The following GPR149 variants were observed in gnomAD, a reference collection of about 807,000 sequenced individuals.
The protein encoded by GPR149 is G protein-coupled receptor 149, also known as probable G protein-coupled receptor 149.
GPR149 carries 50 observed loss-of-function variants against 50.2 expected under a neutral mutation model. That is an observed-to-expected ratio of 1.00 (90% confidence interval 0.79 to 1.26). GPR149 has a LOEUF of 1.26. GPR149 is among the 50% of genes most tolerant of loss of function. GPR149 has a pLI of 0.00. For missense variants in GPR149, 983 were observed against 895.4 expected, an observed-to-expected ratio of 1.10 and a Z score of -1.25; for synonymous variants, 405 against 358.2, an observed-to-expected ratio of 1.13 and a Z score of -1.48.
At position 154,353,058 on chromosome 3, in the gene GPR149, T is replaced by G. The variant is rs189139472; in HGVS notation, c.1624-14787A>C. On this transcript the variant is annotated intron_variant, in intron 3 of 3. Coordinates refer to ENST00000389740, the MANE Select transcript of GPR149 (RefSeq NM_001038705.3). ...GAAGCCTTTTAGTGTAATTTCTCTTTGTGACTGTGCAATATCCCCATGTAA... is the reference window on the plus strand; with the variant it reads ...GAAGCCTTTTAGTGTAATTTCTCTTGGTGACTGTGCAATATCCCCATGTAA... 82 of 1,410,142 alleles carry G rather than the reference T, an allele frequency of 5.8e-5. No individual in the cohort carries two copies. In the East Asian group the frequency reaches 8.2e-4, roughly 14 times the overall value. The allele number at this position is 1,410,142 out of a possible 1,614,324, so 87.4% of individuals were successfully genotyped here.
rs1356505651 is a variant in GPR149 at position 154,429,659 on chromosome 3, A to C, written c.-44T>G. On this transcript the variant is annotated 5_prime_UTR_variant, in exon 1 of 4. It adds an upstream start codon to the 5' untranslated region. Transcript: ENST00000389740. Reference sequence around the variant, plus strand: ...AATTTCCCTTATCAATGAGTCTGATAATTTTCTCAAAAGAAAGACCGGCTG... The same window carrying C: ...AATTTCCCTTATCAATGAGTCTGATCATTTTCTCAAAAGAAAGACCGGCTG... 1.3e-6 allele frequency: 2 copies of C among 1,533,024 alleles called. No individual in the cohort carries two copies. The highest frequency in any genetic ancestry group is 1.8e-6 in the Non-Finnish European group (2 of 1,128,394). 95.0% of individuals were successfully genotyped at this position (1,533,024 alleles called of 1,614,324 possible).
intron 3 of GPR149, chr3:154,354,801 A>C (rs1576902527): frequency 1.5e-6 from 1 of 651,830 alleles, no homozygotes; most frequent in Non-Finnish European, 2.2e-6. Context: ...CCCAGGCATT[A>C]CTGGCCACCA....
intron 3 of GPR149, among the ~76,000 whole-genome samples, chr3:154,388,732 T>G (rs974926965): frequency 6.6e-6 from 1 of 152,154 alleles, no homozygotes; most frequent in African/African-American, 2.4e-5. Flanking sequence ...CCCCAGTCTA[T>G]CTGTATGTGC....
Position 154,429,235 on chromosome 3 carries a change from G to T in GPR149, c.381C>A (p.Val127=). Residue 127 remains valine, a synonymous_variant, in exon 1 of 4, where the codon GTC becomes GTA. Transcript: ENST00000389740. ...TGTGCATCGTATAAAAGTTGTAAGAGACTAGGAGAGTCGCCTTCAAGTTGC... is the reference window on the plus strand; with the variant it reads ...TGTGCATCGTATAAAAGTTGTAAGATACTAGGAGAGTCGCCTTCAAGTTGC... ...LSSNLKATLL[V]SYNFYTMHRG... The T allele has an allele frequency of 6.2e-7, 1 of 1,614,194 alleles. No individual in the cohort carries two copies. The highest frequency in any genetic ancestry group is 8.5e-7 in the Non-Finnish European group (1 of 1,180,048).
intron 3 of GPR149, chr3:154,354,752 AG>A: frequency 2.8e-6 from 2 of 723,152 alleles, no homozygotes; most frequent in Non-Finnish European, 4.1e-6. Flanking sequence ...GACTCCTCCA[AG>A]GGTGTTTTCA....
chr3:154,428,538 T>C, intron 1 of GPR149, 97 bp downstream of exon 1: 2 of 1,336,280 alleles, frequency 1.5e-6, no homozygotes, highest in Non-Finnish European at 1.0e-6. Context: ...TCACTGTGTG[T>C]CTCTTGGTGA....
chr3:154,402,946 T>TAATG (rs55815940), intron 3 of GPR149, among the ~76,000 whole-genome samples: 40,014 of 152,068 alleles, frequency 0.26, 5,500 homozygotes, highest in South Asian at 0.33. Flanking sequence ...TGTAATTTCC[T>TAATG]AATGGAATCT....
chr3:154,353,569 T>C (rs1335483253), intron 3 of GPR149: 2 of 1,031,352 alleles, frequency 1.9e-6, no homozygotes, highest in East Asian at 2.4e-5. Context: ...CCATTTTGCA[T>C]ATGATTAATT....
At chr3:154,406,651 G>A (rs548638512) in intron 3 of GPR149, among the ~76,000 whole-genome samples, 18 of 152,098 alleles carry the variant, frequency 1.2e-4, no homozygotes, top group African/African-American at 4.8e-5. Flanking sequence ...TCATATCTAC[G>A]TGTAAGAAAA....
chr3:154,413,963 TGG>T (rs1711915316), intron 3 of GPR149, among the ~76,000 whole-genome samples: 1 of 148,104 alleles, frequency 6.8e-6, no homozygotes, highest in Admixed American at 6.8e-5. Context: ...TATATATACA[TGG>T]AATACTACTC....
At chr3:154,379,416 T>G (rs2108405635) in intron 3 of GPR149, among the ~76,000 whole-genome samples, 1 of 152,232 alleles carries the variant, frequency 6.6e-6, no homozygotes, top group South Asian at 2.1e-4. Flanking sequence ...ATTTATTTAC[T>G]TTGATGTTAA....
chr3:154,350,777 G>A (rs1372621420), intron 3 of GPR149, among the ~76,000 whole-genome samples: 1 of 152,136 alleles, frequency 6.6e-6, no homozygotes, highest in Non-Finnish European at 1.5e-5. Flanking sequence ...ATCTGTGGGG[G>A]ATTGGTTCCA....
At position 154,335,145 on chromosome 3, in the gene GPR149, A is replaced by G. The variant is rs970037756; in HGVS notation, c.*2554T>C. 3 of 152,120 alleles carry G rather than the reference A, an allele frequency of 2.0e-5. No homozygotes were observed. The highest frequency in any genetic ancestry group is 4.4e-5 in the Non-Finnish European group (3 of 68,020). The allele number at this position is 152,120 out of a possible 1,614,324, so 9.4% of individuals were successfully genotyped here. A position where few individuals can be genotyped will look rare whatever the true frequency, so the allele number is the denominator to read the frequency against. On this transcript the variant is annotated 3_prime_UTR_variant, in exon 4 of 4. Coordinates refer to ENST00000389740, the MANE Select transcript of GPR149 (RefSeq NM_001038705.3). ...GATGGTGATATTTTTATTAGGTAAT[A>G]AGTTTTTGCCTTCAGATACATCAAT...
intron 3 of GPR149, among the ~76,000 whole-genome samples, chr3:154,405,608 TAGAA>T (rs1265684309): frequency 3.1e-5 from 3 of 97,994 alleles, no homozygotes; most frequent in Admixed American, 1.1e-4. Flanking sequence ...AAAAAAAAAG[TAGAA>T]AGCCTAGAAA....
At chr3:154,399,045 T>C (rs1237154931) in intron 3 of GPR149, among the ~76,000 whole-genome samples, 3 of 152,214 alleles carry the variant, frequency 2.0e-5, no homozygotes, top group Admixed American at 6.5e-5. Context: ...GTCTAAGATG[T>C]TCATTGGAAT....
intron 3 of GPR149, among the ~76,000 whole-genome samples, chr3:154,419,720 C>T (rs904778738): frequency 7.2e-5 from 11 of 151,906 alleles, no homozygotes; most frequent in African/African-American, 1.7e-4. Flanking sequence ...CACATATATG[C>T]GCTTCATTAT....
intron 3 of GPR149, among the ~76,000 whole-genome samples, chr3:154,400,111 C>T (rs962954000): frequency 6.6e-6 from 1 of 151,900 alleles, no homozygotes; most frequent in Non-Finnish European, 1.5e-5. Context: ...CTCAGCCTCC[C>T]GAGTAGCTGG....
intron 3 of GPR149, among the ~76,000 whole-genome samples, chr3:154,338,547 G>A (rs147919202): frequency 1.1e-4 from 16 of 152,238 alleles, no homozygotes; most frequent in African/African-American, 3.4e-4. Context: ...TGTACTGATG[G>A]GAAGCAATAG....
chr3:154,418,785 T>A (rs1712057995), intron 3 of GPR149, among the ~76,000 whole-genome samples: 1 of 151,690 alleles, frequency 6.6e-6, no homozygotes, highest in African/African-American at 2.4e-5. Flanking sequence ...CTGCACAATG[T>A]GCACATGTAC....
Sources: allele counts gnomAD v4.1 joint callset (sites outside exome capture counted in the v4.1 genomes callset), GRCh38; gene constraint gnomAD v4.1.1; transcripts MANE v1.5; gene names NCBI Gene and HGNC (gene_info 2026-07-23, HGNC 2026-07-21).